Variants in ABLIM1 observed in about 807,000 individuals in gnomAD.
ABLIM1 encodes actin binding LIM protein 1, also known as actin-binding LIM protein 1.
ABLIM1 carries 40 observed loss-of-function variants against 107.0 expected under a neutral mutation model. The ratio of observed to expected loss-of-function variants is 0.37; its 90% CI spans 0.29 to 0.49. The LOEUF is 0.49. Among genes scored for constraint, ABLIM1 ranks in the 20% least tolerant of loss-of-function variants. The pLI is 0.97. For missense variants in ABLIM1, 857 were observed against 1,008.5 expected, an observed-to-expected ratio of 0.85 and a Z score of 2.04; for synonymous variants, 357 against 357.3, an observed-to-expected ratio of 1.00 and a Z score of 0.01.
At chr10:114,717,299 T>C (rs1451335893) in intron 1 of ABLIM1, among the ~76,000 whole-genome samples, 2 of 152,200 alleles carry the variant, frequency 1.3e-5, no homozygotes, top group Non-Finnish European at 2.9e-5. Context: ...AGCATTATAA[T>C]AAATTACTTG....
intron 1 of ABLIM1, among the ~76,000 whole-genome samples, chr10:114,630,139 A>T (rs991023730): frequency 6.6e-6 from 1 of 152,216 alleles, no homozygotes; most frequent in African/African-American, 2.4e-5. Context: ...TGTGAGGACT[A>T]CTGATCTATA....
intron 12 of ABLIM1, among the ~76,000 whole-genome samples, chr10:114,464,225 A>C (rs1358430959): frequency 1.4e-5 from 2 of 144,104 alleles, no homozygotes; most frequent in Non-Finnish European, 3.0e-5. Flanking sequence ...TTGCTCTGTC[A>C]TCCAGGTTGG....
At chr10:114,613,060 T>C (rs1451591597) in intron 1 of ABLIM1, among the ~76,000 whole-genome samples, 2 of 152,230 alleles carry the variant, frequency 1.3e-5, no homozygotes, top group Non-Finnish European at 2.9e-5. Flanking sequence ...TTGCCTTTTC[T>C]TTCTGGCTGC....
At chr10:114,510,362 T>G (rs1212258248) in intron 6 of ABLIM1, among the ~76,000 whole-genome samples, 1 of 150,562 alleles carries the variant, frequency 6.6e-6, no homozygotes, top group African/African-American at 2.5e-5. Flanking sequence ...TTGATTTGCA[T>G]GTATTTCTTG....
At chr10:114,777,307 TTC>T in the ABLIM1 span, among the ~76,000 whole-genome samples, 28 of 152,288 alleles carry the variant, frequency 1.8e-4, no homozygotes, top group East Asian at 9.7e-4. Context: ...TCTGTTGAAT[TTC>T]TCTCTCTTTT....
In ABLIM1 at chr10:114,597,114, C is replaced by T. The variant is rs543066073; in HGVS notation, c.379+4713G>A. Among the ~76,000 whole-genome samples the T allele has an allele frequency of 2.6e-5, 4 of 152,282 alleles. No individual in the cohort carries two copies. The South Asian group carries it at 6.2e-4, about 24-fold the overall frequency. Reference sequence around the variant, plus strand: ...CTGTCCCAGGACATCAGCTCAGTACCCGAACATCGCCACTCTAGGTGAAAC... The same window carrying T: ...CTGTCCCAGGACATCAGCTCAGTACTCGAACATCGCCACTCTAGGTGAAAC... On this transcript the variant is annotated intron_variant, in intron 2 of 22. Transcript: ENST00000533213.
intron 1 of ABLIM1, among the ~76,000 whole-genome samples, chr10:114,636,061 C>T (rs959072452): frequency 6.6e-6 from 1 of 152,180 alleles, no homozygotes; most frequent in Non-Finnish European, 1.5e-5. Context: ...GATATATGCA[C>T]ACACATATTC....
intron 1 of ABLIM1, among the ~76,000 whole-genome samples, chr10:114,711,982 C>A (rs948610437): frequency 6.6e-6 from 1 of 152,038 alleles, no homozygotes; most frequent in African/African-American, 2.4e-5. Flanking sequence ...AGAATGGAAT[C>A]GGAGGAGCAT....
chr10:114,524,397 T>C (rs1361949587), intron 6 of ABLIM1, among the ~76,000 whole-genome samples: 3 of 152,186 alleles, frequency 2.0e-5, no homozygotes, highest in Non-Finnish European at 4.4e-5. Context: ...GGAAAAAAGC[T>C]GTGATTCTTC....
chr10:114,765,159 G>C (rs2082859189), intron 1 of ABLIM1, among the ~76,000 whole-genome samples: 1 of 151,868 alleles, frequency 6.6e-6, no homozygotes, highest in Non-Finnish European at 1.5e-5. Context: ...CTATTCTCCT[G>C]CCTCAGTCTC....
intron 6 of ABLIM1, among the ~76,000 whole-genome samples, chr10:114,530,069 G>T (rs575439942): frequency 1.3e-5 from 2 of 152,118 alleles, no homozygotes; most frequent in Non-Finnish European, 2.9e-5. Flanking sequence ...GTGGGCAGAG[G>T]GATGTGTTTG....
At chr10:114,503,296 C>G (rs902488159) in intron 6 of ABLIM1, among the ~76,000 whole-genome samples, 1 of 151,934 alleles carries the variant, frequency 6.6e-6, no homozygotes, top group Non-Finnish European at 1.5e-5. Flanking sequence ...ATAAAAAATA[C>G]AAAAATTAGC....
chr10:114,444,107 A>G lies in ABLIM1; in HGVS notation c.1855T>C (p.Leu619=). Reference sequence around the variant, plus strand: ...CTCTCTTTCTCCATCTCTTCTTTCAAGATCAACTGTCCCAGGCCTGAGTTA... The same window carrying G: ...CTCTCTTTCTCCATCTCTTCTTTCAGGATCAACTGTCCCAGGCCTGAGTTA... ...KLNSGLGQLI[L]KEEMEKESRE... The change falls in exon 17 of 23, where the codon TTG becomes CTG. Residue 619 remains leucine, a synonymous_variant. Transcript: ENST00000533213. 2 of 1,612,196 alleles carry G rather than the reference A, an allele frequency of 1.2e-6. No individual in the cohort carries two copies. The highest frequency in any genetic ancestry group is 1.7e-6 in the Non-Finnish European group (2 of 1,179,284).
intron 4 of ABLIM1, among the ~76,000 whole-genome samples, chr10:114,552,082 C>A (rs1354417569): frequency 1.3e-5 from 2 of 152,122 alleles, no homozygotes; most frequent in Non-Finnish European, 2.9e-5. Context: ...GGAATACCAG[C>A]CCACGTGAGA....
chr10:114,716,410 A>AAAAC (rs541504016), intron 1 of ABLIM1, among the ~76,000 whole-genome samples: 106 of 143,622 alleles, frequency 7.4e-4, no homozygotes, highest in African/African-American at 1.8e-3. Flanking sequence ...GGTAGAGAGA[A>AAAAC]ACACACACAC....
At chr10:114,703,043 T>C (rs2081338947) in intron 1 of ABLIM1, among the ~76,000 whole-genome samples, 1 of 152,182 alleles carries the variant, frequency 6.6e-6, no homozygotes, top group South Asian at 2.1e-4. Flanking sequence ...AACTCAGACA[T>C]TTGGAAACCT....
chr10:114,439,999 G>A (rs1388882228), intron 20 of ABLIM1, 83 bp downstream of exon 20: 1 of 1,608,144 alleles, frequency 6.2e-7, no homozygotes, highest in Non-Finnish European at 8.5e-7. Flanking sequence ...AACAGAAACT[G>A]TTGCCTTGGA....
intron 2 of ABLIM1, among the ~76,000 whole-genome samples, chr10:114,579,528 A>G (rs73361081): frequency 0.016 from 2,467 of 152,234 alleles, 57 homozygotes; most frequent in African/African-American, 0.057. Flanking sequence ...AGAATTATTA[A>G]TTTTTTCTTC....
intron 15 of ABLIM1, 90 bp downstream of exon 15, chr10:114,447,790 T>G (rs778432572): frequency 1.9e-6 from 3 of 1,543,592 alleles, no homozygotes; most frequent in Non-Finnish European, 2.7e-6. Flanking sequence ...ATCTTCATAA[T>G]AGGATACATT....
Sources: gnomAD v4.1 joint callset for allele counts (sites outside exome capture counted in the v4.1 genomes callset) on GRCh38, gnomAD v4.1.1 for gene constraint, MANE v1.5 for transcripts, NCBI Gene and HGNC (gene_info 2026-07-23, HGNC 2026-07-21) for gene names.